AP3B1: variants seen among roughly 807,000 people sequenced by gnomAD.
AP3B1 encodes AP-3 complex subunit beta-1.
A neutral mutation model predicts 132.5 loss-of-function variants in AP3B1; 61 were observed. The ratio of observed to expected loss-of-function variants is 0.46; its 90% CI spans 0.37 to 0.57. The LOEUF (loss-of-function observed/expected upper bound fraction) is 0.57, where lower values mean the gene tolerates loss of function less well. AP3B1 is among the 20% of genes least tolerant of loss of function. AP3B1 has a pLI of 0.00. For missense variants in AP3B1, 1,120 were observed against 1,289.4 expected, an observed-to-expected ratio of 0.87 and a Z score of 2.01; for synonymous variants, 388 against 438.3, an observed-to-expected ratio of 0.89 and a Z score of 1.43.
chr5:78,012,257 A>G (rs534133150), intron 26 of AP3B1, among the ~76,000 whole-genome samples: 1 of 152,110 alleles, frequency 6.6e-6, no homozygotes, highest in South Asian at 2.1e-4. Flanking sequence ...ATTTCAATAA[A>G]GTGGTAAACA....
chr5:78,176,505 T>C (rs1038663704), intron 9 of AP3B1, among the ~76,000 whole-genome samples: 1 of 152,152 alleles, frequency 6.6e-6, no homozygotes, highest in African/African-American at 2.4e-5. Context: ...AATAAATACA[T>C]AGTTTTTTCC....
chr5:78,244,902 C>T (rs997849703), intron 2 of AP3B1, among the ~76,000 whole-genome samples: 3 of 151,626 alleles, frequency 2.0e-5, no homozygotes, highest in Admixed American at 6.6e-5. Flanking sequence ...GGCTGAGGCA[C>T]GAGAATCGCT....
chr5:78,020,533 T>C (rs948093643), intron 25 of AP3B1, among the ~76,000 whole-genome samples, 159 bp downstream of exon 25: 4 of 152,146 alleles, frequency 2.6e-5, no homozygotes, highest in African/African-American at 9.7e-5. Flanking sequence ...ACATCTGTTT[T>C]TAAGGTTGTA....
intron 1 of AP3B1, among the ~76,000 whole-genome samples, chr5:78,287,476 A>G (rs1406425641): frequency 6.6e-6 from 1 of 152,174 alleles, no homozygotes; most frequent in East Asian, 1.9e-4. Flanking sequence ...GTAAAATCTT[A>G]TTTAATTTGA....
At chr5:78,125,262 AT>A (rs1170398232) in intron 17 of AP3B1, among the ~76,000 whole-genome samples, 1 of 152,094 alleles carries the variant, frequency 6.6e-6, no homozygotes, top group Non-Finnish European at 1.5e-5. Flanking sequence ...ATAAATATAT[AT>A]TATATCCTAT....
intron 7 of AP3B1, among the ~76,000 whole-genome samples, chr5:78,199,141 T>C (rs576122609): frequency 2.0e-5 from 3 of 152,340 alleles, no homozygotes. Context: ...ACAGTAACTT[T>C]GTGTTGAGCC....
intron 2 of AP3B1, among the ~76,000 whole-genome samples, chr5:78,245,743 C>G (rs1342634366): frequency 6.6e-6 from 1 of 152,128 alleles, no homozygotes; most frequent in African/African-American, 2.4e-5. Context: ...CCCTTGTACT[C>G]TTTTACCCAG....
At chr5:78,011,334 C>T (rs1746618267) in intron 26 of AP3B1, among the ~76,000 whole-genome samples, 1 of 152,154 alleles carries the variant, frequency 6.6e-6, no homozygotes, top group South Asian at 2.1e-4. Context: ...GCATGAGCCA[C>T]CATGCCCGGC....
intron 22 of AP3B1, among the ~76,000 whole-genome samples, chr5:78,058,179 A>G (rs1167837229): frequency 6.6e-6 from 1 of 152,210 alleles, no homozygotes; most frequent in Non-Finnish European, 1.5e-5. Flanking sequence ...TTATATCTCC[A>G]TTATCTTGAG....
chr5:78,165,816 C>G, intron 11 of AP3B1, 144 bp from the exon 12 acceptor site: 1 of 707,802 alleles, frequency 1.4e-6, no homozygotes, highest in Non-Finnish European at 2.5e-6. Context: ...TGCCTGTAAT[C>G]CCAGCACTTT....
At chr5:78,224,517 CAAT>C (rs1437615110) in intron 6 of AP3B1, among the ~76,000 whole-genome samples, 2 of 151,906 alleles carry the variant, frequency 1.3e-5, no homozygotes, top group Admixed American at 6.6e-5. Flanking sequence ...TTAATAACAA[CAAT>C]AAGTGTGAAT....
rs533607394 is a variant in AP3B1, at chr5:78,059,613, T to C, written c.2578-20339A>G. 8.5e-5 allele frequency among the ~76,000 whole-genome samples: 13 copies of C among 152,292 alleles called. No individual in the cohort carries two copies. The South Asian group carries it at 2.7e-3, about 32-fold the overall frequency. On this transcript the variant is annotated intron_variant, in intron 22 of 26. Transcript: ENST00000255194. ...CAACTATTATAGACACTAATAAATT[T>C]GAGTGGCTCTCAAATTGTCAGAATC...
intron 22 of AP3B1, among the ~76,000 whole-genome samples, chr5:78,064,811 A>C (rs939587865): frequency 2.0e-5 from 3 of 152,218 alleles, no homozygotes; most frequent in African/African-American, 7.2e-5. Context: ...CTAAGTAATA[A>C]AAGGAATGTG....
At chr5:78,041,146 T>G (rs751270406) in intron 22 of AP3B1, among the ~76,000 whole-genome samples, 2 of 151,942 alleles carry the variant, frequency 1.3e-5, no homozygotes, top group Non-Finnish European at 2.9e-5. Flanking sequence ...TGGTGGCGCA[T>G]GCCTGTAATT....
chr5:78,197,369 T>C (rs1230208341), intron 7 of AP3B1, among the ~76,000 whole-genome samples: 1 of 152,146 alleles, frequency 6.6e-6, no homozygotes, highest in East Asian at 1.9e-4. Flanking sequence ...TTACATTACA[T>C]ATAAGCTTTA....
At chr5:78,172,348 C>T (rs1438677785) in intron 11 of AP3B1, among the ~76,000 whole-genome samples, 3 of 152,136 alleles carry the variant, frequency 2.0e-5, no homozygotes, top group Admixed American at 1.3e-4. Context: ...TGGTAGAATT[C>T]GGCAGTGAAT....
chr5:78,213,959 A>C (rs1016445723), intron 7 of AP3B1, among the ~76,000 whole-genome samples: 2 of 152,224 alleles, frequency 1.3e-5, no homozygotes, highest in Non-Finnish European at 2.9e-5. Context: ...TCTGTGTTTG[A>C]AACAGTGGCA....
chr5:78,145,909 T>C (rs1397262738), intron 14 of AP3B1, among the ~76,000 whole-genome samples: 1 of 152,206 alleles, frequency 6.6e-6, no homozygotes, highest in Non-Finnish European at 1.5e-5. Context: ...GATTCTGCCC[T>C]AATAAAGTGG....
chr5:78,013,683 A>G (rs993976460), intron 26 of AP3B1, among the ~76,000 whole-genome samples: 1 of 152,246 alleles, frequency 6.6e-6, no homozygotes, highest in African/African-American at 2.4e-5. Flanking sequence ...AAAGCAGAAT[A>G]AAATTAAAAC....
Sources: gnomAD v4.1 joint callset for allele counts (sites outside exome capture counted in the v4.1 genomes callset) on GRCh38, gnomAD v4.1.1 for gene constraint, MANE v1.5 for transcripts, NCBI Gene and HGNC (gene_info 2026-07-23, HGNC 2026-07-21) for gene names.